PDXDC1: variants seen among roughly 807,000 people sequenced by gnomAD.
PDXDC1 encodes the protein pyridoxal-dependent decarboxylase domain-containing protein 1.
PDXDC1 carries 42 observed loss-of-function variants against 100.1 expected under a neutral mutation model. The observed-to-expected ratio is 0.42, with a 90% CI of 0.33 to 0.54. The LOEUF is 0.54. Among genes scored for constraint, PDXDC1 ranks in the 20% least tolerant of loss-of-function variants. The pLI, the probability that PDXDC1 is intolerant of heterozygous loss-of-function variation, is 0.10. For missense variants in PDXDC1, 636 were observed against 979.2 expected, an observed-to-expected ratio of 0.65 and a Z score of 4.68; for synonymous variants, 260 against 371.7, an observed-to-expected ratio of 0.70 and a Z score of 3.46.
intron 1 of PDXDC1, 144 bp from the exon 2 acceptor site, chr16:14,997,609 A>C: frequency 1.1e-6 from 1 of 948,836 alleles, no homozygotes; most frequent in Non-Finnish European, 1.5e-6. Flanking sequence ...TTTCTGTTAT[A>C]CTTTTGTACT....
At chr16:15,144,220 G>C (rs1199381649), downstream of PDXDC1, among the ~76,000 whole-genome samples, 2 of 152,214 alleles carry the variant, frequency 1.3e-5, no homozygotes, top group East Asian at 1.9e-4. Flanking sequence ...ACAGGCAGCA[G>C]TGCCACCCCC....
intron 16 of PDXDC1, chr16:15,092,492 A>C (rs772292153): frequency 1.3e-6 from 2 of 1,557,790 alleles, no homozygotes; most frequent in African/African-American, 1.4e-5. Context: ...CAAACCTCAC[A>C]CATTATCTCC....
At chr16:15,123,236 T>C (rs1192751442) in intron 16 of PDXDC1, among the ~76,000 whole-genome samples, 25 of 150,948 alleles carry the variant, frequency 1.7e-4, no homozygotes, top group African/African-American at 5.6e-4. Flanking sequence ...CCCTCCCCCA[T>C]CTCAGTCCCC....
At chr16:14,977,294 T>C (rs1238381209) in intron 1 of PDXDC1, among the ~76,000 whole-genome samples, 27 of 151,328 alleles carry the variant, frequency 1.8e-4, no homozygotes, top group African/African-American at 6.3e-4. Context: ...TTTTTTTTTT[T>C]TTTGAGAGGG....
chr16:15,061,881 C>T, intron 16 of PDXDC1: 1 of 1,612,712 alleles, frequency 6.2e-7, no homozygotes, highest in Non-Finnish European at 8.5e-7. Flanking sequence ...TTCAGAAAGT[C>T]ATCATCTTCA....
intron 16 of PDXDC1, chr16:15,085,524 C>T: frequency 2.1e-6 from 3 of 1,457,358 alleles, no homozygotes; most frequent in East Asian, 5.0e-5. Context: ...CACTATGTTG[C>T]CCAGGCTGGT....
At chr16:15,125,842 C>T (rs759232513) in intron 16 of PDXDC1, 2 of 881,026 alleles carry the variant, frequency 2.3e-6, no homozygotes, top group Middle Eastern at 6.4e-4. Flanking sequence ...CGGGCGGCAG[C>T]TCAGACCTGC....
intron 16 of PDXDC1, among the ~76,000 whole-genome samples, chr16:15,055,398 G>A (rs990032802): frequency 1.3e-5 from 2 of 152,204 alleles, no homozygotes; most frequent in African/African-American, 4.8e-5. Flanking sequence ...GGAGAGAGAG[G>A]AGGAAGGACT....
At chr16:15,047,424 G>A (rs374496635) in intron 16 of PDXDC1, 136 of 1,472,438 alleles carry the variant, frequency 9.2e-5, no homozygotes, top group South Asian at 2.4e-4. Context: ...TCACCTATGA[G>A]AGCAGCGTAG....
intron 8 of PDXDC1, among the ~76,000 whole-genome samples, chr16:15,015,092 T>G (rs2151482478): frequency 6.6e-6 from 1 of 152,350 alleles, no homozygotes; most frequent in African/African-American, 2.4e-5. Context: ...CGCCCACCAC[T>G]ACACCCGGCT....
At chr16:15,034,585 C>G in intron 21 of PDXDC1, 32 bp downstream of exon 21, 1 of 1,528,490 alleles carries the variant, frequency 6.5e-7, no homozygotes, top group South Asian at 1.1e-5. Context: ...CCAGGTCTTG[C>G]TGACCTTGGG....
chr16:15,092,130 G>A (rs2046157061), intron 16 of PDXDC1, among the ~76,000 whole-genome samples: 1 of 152,100 alleles, frequency 6.6e-6, no homozygotes, highest in African/African-American at 2.4e-5. Flanking sequence ...AGTGAGCCGA[G>A]GTCACGCCAC....
intron 1 of PDXDC1, among the ~76,000 whole-genome samples, chr16:14,979,871 C>T (rs1312005982): frequency 6.6e-6 from 1 of 152,288 alleles, no homozygotes; most frequent in African/African-American, 2.4e-5. Flanking sequence ...GAGAAAAGAA[C>T]CCCTGTTAGG....
intron 1 of PDXDC1, among the ~76,000 whole-genome samples, chr16:14,995,344 A>G (rs534254718): frequency 1.7e-4 from 26 of 152,402 alleles, no homozygotes; most frequent in African/African-American, 6.3e-4. Context: ...GAGAGTTTTT[A>G]GCATGAAGGG....
chr16:14,984,492 TATA>T (rs1968840576), intron 1 of PDXDC1, among the ~76,000 whole-genome samples: 79 of 100,400 alleles, frequency 7.9e-4, no homozygotes, highest in South Asian at 1.4e-3. Context: ...TATATATATA[TATA>T]TTTTTTTTTT....
chr16:15,144,049 G>A (rs1003405333), downstream of PDXDC1, among the ~76,000 whole-genome samples: 37 of 152,288 alleles, frequency 2.4e-4, no homozygotes, highest in African/African-American at 8.9e-4. Flanking sequence ...AGGACAGGAC[G>A]CCAGACCCAG....
chr16:15,127,405 T>C (rs13339619), intron 16 of PDXDC1: 30,341 of 1,324,610 alleles, frequency 0.023, 836 homozygotes, highest in African/African-American at 0.1. Context: ...AAGTGGCGGC[T>C]CTGGGCATGG....
At position 15,018,875 on chromosome 16, in the gene PDXDC1, A is replaced by G. The variant is rs751729585; in HGVS notation, c.999A>G (p.Thr333=). 1 of 1,614,070 alleles carries G rather than the reference A, an allele frequency of 6.2e-7. No individual in the cohort carries two copies. The highest frequency in any genetic ancestry group is 1.7e-5 in the Admixed American group (1 of 60,026). ...CTGGTCTTACATCAAATAAGCCCAC[A>G]GACAAACTCCGTGCCCTGCCTCTGT... The part of the protein sequence containing the change: ...LVAGLTSNKP[T]DKLRALPLWL... The change falls in exon 12 of 23, where the codon ACA becomes ACG. Residue 333 remains threonine, a synonymous_variant. Coordinates refer to ENST00000396410, the MANE Select transcript of PDXDC1 (RefSeq NM_015027.4).
At chr16:14,988,484 G>C (rs1969931193) in intron 1 of PDXDC1, 1 of 1,613,870 alleles carries the variant, frequency 6.2e-7, no homozygotes. Context: ...GGTGTGTGAG[G>C]TCGGTGGAGA....
Sources: gnomAD v4.1 joint callset for allele counts (sites outside exome capture counted in the v4.1 genomes callset) on GRCh38, gnomAD v4.1.1 for gene constraint, MANE v1.5 for transcripts, NCBI Gene and HGNC (gene_info 2026-07-23, HGNC 2026-07-21) for gene names.